UBE2R2: variants seen among roughly 807,000 people sequenced by gnomAD.
UBE2R2 encodes ubiquitin conjugating enzyme E2 R2.
A neutral mutation model predicts 27.8 loss-of-function variants in UBE2R2; 1 was observed. The ratio of observed to expected loss-of-function variants is 0.04; its 90% CI spans 0.01 to 0.17. The LOEUF (loss-of-function observed/expected upper bound fraction) is 0.17. UBE2R2 is among the 10% of genes least tolerant of loss of function. UBE2R2 has a pLI of 1.00. For missense variants in UBE2R2, 100 were observed against 291.0 expected (o/e 0.34, Z 4.78); for synonymous variants, 106 against 113.3 (o/e 0.94, Z 0.41).
At chr9:33,820,054 A>G (rs747064213) in intron 1 of UBE2R2, among the ~76,000 whole-genome samples, 12 of 152,252 alleles carry the variant, frequency 7.9e-5, no homozygotes, top group Non-Finnish European at 1.5e-4. Context: ...AAAATAAATA[A>G]ATGGGTACTA....
At chr9:33,837,679 C>T (rs1019102067) in intron 1 of UBE2R2, among the ~76,000 whole-genome samples, 1 of 151,732 alleles carries the variant, frequency 6.6e-6, no homozygotes, top group Non-Finnish European at 1.5e-5. Flanking sequence ...CCTGCCTTAG[C>T]CTCTCATTGT....
At chr9:33,830,303 G>T (rs1037862303) in intron 1 of UBE2R2, among the ~76,000 whole-genome samples, 1 of 150,130 alleles carries the variant, frequency 6.7e-6, no homozygotes, top group Non-Finnish European at 1.5e-5. Flanking sequence ...GACTACAGGC[G>T]CATGCCACCA....
intron 4 of UBE2R2, among the ~76,000 whole-genome samples, chr9:33,914,424 C>T (rs1220978314): frequency 6.6e-6 from 1 of 152,042 alleles, no homozygotes; most frequent in Non-Finnish European, 1.5e-5. Context: ...AAGAGAGGCA[C>T]CAGGGTCTTC....
chr9:33,821,236 T>G (rs1825976438), intron 1 of UBE2R2, among the ~76,000 whole-genome samples: 1 of 152,132 alleles, frequency 6.6e-6, no homozygotes, highest in South Asian at 2.1e-4. Context: ...CACTGCAGCT[T>G]CCACATCCTA....
At chr9:33,866,382 G>A (rs1170009212) in intron 1 of UBE2R2, among the ~76,000 whole-genome samples, 1 of 151,922 alleles carries the variant, frequency 6.6e-6, no homozygotes, top group Non-Finnish European at 1.5e-5. Flanking sequence ...GGGACTACAG[G>A]TGCCTGCCAC....
At chr9:33,889,758 G>A (rs568798737) in intron 2 of UBE2R2, among the ~76,000 whole-genome samples, 1 of 152,268 alleles carries the variant, frequency 6.6e-6, no homozygotes, top group Non-Finnish European at 1.5e-5. Context: ...CATGATTTCA[G>A]CTCACTGCAA....
rs1283084122 is a variant in UBE2R2, at chr9:33,826,678, A to ACT, written c.177+8744_177+8745insCT. Among the ~76,000 whole-genome samples the ACT allele has an allele frequency of 9.9e-5, 15 of 152,184 alleles. No homozygotes were observed. In the East Asian group the frequency reaches 2.7e-3, roughly 27 times the overall value. On this transcript the variant is annotated intron_variant, in intron 1 of 4. Coordinates refer to ENST00000263228, the MANE Select transcript of UBE2R2 (RefSeq NM_017811.4). ...CACGCCATTGCACTCCAGTCTGGGC[A>ACT]ACAGAGTGAGACTCTGTCCCCTGCC...
chr9:33,899,538 C>T lies in UBE2R2; in HGVS notation c.265-636C>T, dbSNP rs1587478043. Reference sequence around the variant, plus strand: ...TACAGGGGAGTGCTACCACGCCCGGCTAATTTTTGTATTTTTAGTAGAGAC... The same window carrying T: ...TACAGGGGAGTGCTACCACGCCCGGTTAATTTTTGTATTTTTAGTAGAGAC... On this transcript the variant is annotated intron_variant, in intron 2 of 4. Transcript: ENST00000263228. Among the ~76,000 whole-genome samples the T allele has an allele frequency of 2.0e-5, 3 of 152,166 alleles. No individual in the cohort carries two copies. The East Asian group carries it at 5.8e-4, about 29-fold the overall frequency.
chr9:33,838,809 G>A (rs934784940), intron 1 of UBE2R2, among the ~76,000 whole-genome samples: 4 of 151,244 alleles, frequency 2.6e-5, no homozygotes, highest in African/African-American at 9.7e-5. Context: ...CTGGCCAGTC[G>A]TGGTGGTTCA....
At position 33,911,991 on chromosome 9, in the gene UBE2R2, G is replaced by A; in HGVS notation, c.390G>A (p.Leu130=). ...VRTILLSVIS[L]LNEPNTFSPA... ...CTATCCTATTAAGTGTAATCTCACTGCTTAATGAGCCCAACACCTTCTCCC... is the reference window on the plus strand; with the variant it reads ...CTATCCTATTAAGTGTAATCTCACTACTTAATGAGCCCAACACCTTCTCCC... The change falls in exon 4 of 5, where the codon CTG becomes CTA. Residue 130 remains leucine, a synonymous_variant. Coordinates refer to ENST00000263228, the MANE Select transcript of UBE2R2 (RefSeq NM_017811.4). The A allele has an allele frequency of 6.2e-7, 1 of 1,613,774 alleles. No individual in the cohort carries two copies. The highest frequency in any genetic ancestry group is 8.5e-7 in the Non-Finnish European group (1 of 1,179,908).
chr9:33,886,255 T>A (rs1821849532), intron 1 of UBE2R2, among the ~76,000 whole-genome samples: 1 of 152,160 alleles, frequency 6.6e-6, no homozygotes, highest in Non-Finnish European at 1.5e-5. Flanking sequence ...TATTTTGTTA[T>A]AAAAATAAAA....
At chr9:33,862,366 G>A (rs1308043882) in intron 1 of UBE2R2, among the ~76,000 whole-genome samples, 3 of 152,004 alleles carry the variant, frequency 2.0e-5, no homozygotes, top group Non-Finnish European at 4.4e-5. Flanking sequence ...TATGTTAGCC[G>A]CCTGCCCAAG....
chr9:33,877,161 T>G (rs1037963992), intron 1 of UBE2R2, among the ~76,000 whole-genome samples: 8 of 147,990 alleles, frequency 5.4e-5, no homozygotes, highest in Non-Finnish European at 1.2e-4. Flanking sequence ...AGGGTCACAT[T>G]AAAACTACTT....
At chr9:33,823,382 T>A in intron 1 of UBE2R2, among the ~76,000 whole-genome samples, 1 of 128,694 alleles carries the variant, frequency 7.8e-6, no homozygotes, top group Non-Finnish European at 1.9e-5. Flanking sequence ...GAAAAAAAAT[T>A]TTTTTTTTTC....
chr9:33,914,014 G>A (rs1376294045), intron 4 of UBE2R2, among the ~76,000 whole-genome samples: 1 of 152,130 alleles, frequency 6.6e-6, no homozygotes, highest in Non-Finnish European at 1.5e-5. Flanking sequence ...TATTCCCAAG[G>A]TACTTCTATA....
At chr9:33,877,248 C>T (rs537708858) in intron 1 of UBE2R2, among the ~76,000 whole-genome samples, 194 of 146,374 alleles carry the variant, frequency 1.3e-3, no homozygotes, top group African/African-American at 4.6e-3. Context: ...GTGGCGCGAT[C>T]TCGGCTCACT....
chr9:33,831,820 C>CAAATA (rs1820490020), intron 1 of UBE2R2, among the ~76,000 whole-genome samples: 1 of 151,668 alleles, frequency 6.6e-6, no homozygotes. Flanking sequence ...CCAACACGCC[C>CAAATA]GGTTAATTTT....
intron 1 of UBE2R2, among the ~76,000 whole-genome samples, chr9:33,836,892 T>G (rs1820626581): frequency 6.6e-6 from 1 of 152,134 alleles, no homozygotes; most frequent in Admixed American, 6.6e-5. Context: ...TCCTGTAGCT[T>G]TAGAATTTCG....
At chr9:33,856,029 G>A (rs1418186743) in intron 1 of UBE2R2, among the ~76,000 whole-genome samples, 1 of 152,176 alleles carries the variant, frequency 6.6e-6, no homozygotes, top group Non-Finnish European at 1.5e-5. Flanking sequence ...CTGTACTCCA[G>A]CCTGGGTGAT....
Sources: allele counts gnomAD v4.1 joint callset (sites outside exome capture counted in the v4.1 genomes callset), GRCh38; gene constraint gnomAD v4.1.1; transcripts MANE v1.5; gene names NCBI Gene and HGNC (gene_info 2026-07-23, HGNC 2026-07-21).